ZNF679: variants seen among roughly 807,000 people sequenced by gnomAD.
The protein encoded by ZNF679 is zinc finger protein 679, also known as hypothetical protein MGC42415.
In ZNF679, 10 loss-of-function variants were observed where a neutral mutation model predicts 13.4. The observed-to-expected ratio is 0.75, with a 90% CI of 0.46 to 1.27. The LOEUF is 1.27. ZNF679 is among the 50% of genes most tolerant of loss of function. The pLI is 0.00. For missense variants in ZNF679, 525 were observed against 477.8 expected (o/e 1.10, Z -0.92); for synonymous variants, 179 against 162.5 (o/e 1.10, Z -0.77).
chr7:64,236,958 AAAGAAAG>A (rs1787729660), intron 1 of ZNF679, among the ~76,000 whole-genome samples: 1 of 30,556 alleles, frequency 3.3e-5, no homozygotes, highest in Admixed American at 2.7e-4. Flanking sequence ...AGAAAGAAAG[AAAGAAAG>A]AAAGAAAGAA....
intron 1 of ZNF679, among the ~76,000 whole-genome samples, chr7:64,240,634 T>A (rs1787785903): frequency 1.3e-5 from 2 of 152,144 alleles, no homozygotes; most frequent in Admixed American, 1.3e-4. Context: ...ATCTCACACA[T>A]AAATGCAATC....
At chr7:64,254,595 A>G (rs1271702025) in intron 2 of ZNF679, among the ~76,000 whole-genome samples, 2 of 152,062 alleles carry the variant, frequency 1.3e-5, no homozygotes, top group Non-Finnish European at 2.9e-5. Context: ...ATCTCTATCA[A>G]ATTATTGAAC....
intron 4 of ZNF679, among the ~76,000 whole-genome samples, chr7:64,263,559 A>G (rs1788105382): frequency 6.6e-6 from 1 of 152,184 alleles, no homozygotes; most frequent in Admixed American, 6.5e-5. Context: ...AGGTGTTTGC[A>G]TCGTGGAGAC....
chr7:64,247,167 G>A (rs758974522), intron 1 of ZNF679, among the ~76,000 whole-genome samples: 74 of 152,268 alleles, frequency 4.9e-4, no homozygotes, highest in Non-Finnish European at 9.1e-4. Context: ...CTTGGTTTTG[G>A]TGGATTTTTC....
At chr7:64,236,975 A>AAGAAAGAG (rs201487010) in intron 1 of ZNF679, among the ~76,000 whole-genome samples, 487 of 16,270 alleles carry the variant, frequency 0.03, 10 homozygotes, top group African/African-American at 0.058. Flanking sequence ...GAAAGAAAGA[A>AAGAAAGAG]AAAGAAAGAA....
At chr7:64,258,880 T>G (rs1376662616) in intron 2 of ZNF679, among the ~76,000 whole-genome samples, 1 of 148,484 alleles carries the variant, frequency 6.7e-6, no homozygotes, top group Non-Finnish European at 1.5e-5. Context: ...TAGCATAGTC[T>G]TCTTTTTTTG....
intron 1 of ZNF679, among the ~76,000 whole-genome samples, chr7:64,231,163 G>A (rs922077438): frequency 1.3e-5 from 2 of 152,166 alleles, no homozygotes; most frequent in African/African-American, 2.4e-5. Context: ...ACAAGTAAAA[G>A]ACCCAGTAGA....
At chr7:64,244,965 A>C (rs1787847060) in intron 1 of ZNF679, among the ~76,000 whole-genome samples, 1 of 152,246 alleles carries the variant, frequency 6.6e-6, no homozygotes, top group African/African-American at 2.4e-5. Context: ...TCTCAAGAAC[A>C]TAAAACAAGA....
intron 1 of ZNF679, among the ~76,000 whole-genome samples, chr7:64,232,792 G>A (rs1787658699): frequency 6.6e-6 from 1 of 152,144 alleles, no homozygotes; most frequent in South Asian, 2.1e-4. Context: ...CTTGGGGCAG[G>A]GCTAAAAGGG....
intron 1 of ZNF679, among the ~76,000 whole-genome samples, chr7:64,235,384 A>G (rs1044599591): frequency 1.3e-5 from 2 of 152,052 alleles, no homozygotes; most frequent in Admixed American, 6.5e-5. Context: ...ATAAATTTAT[A>G]GTGCTATATT....
chr7:64,263,115 G>C (rs979949501), intron 4 of ZNF679, among the ~76,000 whole-genome samples: 6 of 151,900 alleles, frequency 3.9e-5, no homozygotes, highest in African/African-American at 1.2e-4. Context: ...TTTTACACGG[G>C]GTTTCTCACT....
chr7:64,263,855 T>C (rs1387481222), intron 4 of ZNF679, among the ~76,000 whole-genome samples: 12 of 152,226 alleles, frequency 7.9e-5, no homozygotes, highest in African/African-American at 2.2e-4. Context: ...CTCAGGTTAT[T>C]TTCTATAGCA....
chr7:64,247,533 A>G (rs1787884875), intron 1 of ZNF679, among the ~76,000 whole-genome samples: 1 of 152,180 alleles, frequency 6.6e-6, no homozygotes, highest in Admixed American at 6.5e-5. Flanking sequence ...TTAAATTGTT[A>G]CAATCAATTT....
intron 1 of ZNF679, among the ~76,000 whole-genome samples, chr7:64,230,395 C>A (rs989437739): frequency 6.6e-6 from 1 of 151,736 alleles, no homozygotes; most frequent in African/African-American, 2.4e-5. Context: ...TAGCCGGGCG[C>A]GGTGGCGGGC....
chr7:64,260,078 T>G, intron 2 of ZNF679, 143 bp from the exon 3 acceptor site: 1 of 611,622 alleles, frequency 1.6e-6, no homozygotes, highest in Non-Finnish European at 2.7e-6. Flanking sequence ...AAATTATCAT[T>G]GAATAATTTT....
intron 4 of ZNF679, among the ~76,000 whole-genome samples, chr7:64,263,810 A>T (rs1196069745): frequency 6.6e-6 from 1 of 152,196 alleles, no homozygotes; most frequent in Non-Finnish European, 1.5e-5. Flanking sequence ...TCAACTGTGA[A>T]CCAAAGAAGT....
At chr7:64,255,492 A>G (rs768924796) in intron 2 of ZNF679, among the ~76,000 whole-genome samples, 2 of 152,210 alleles carry the variant, frequency 1.3e-5, no homozygotes, top group Non-Finnish European at 2.9e-5. Context: ...CCACTTGATC[A>G]TAGTCTAATC....
chr7:64,258,894 T>TTG (rs138747903), intron 2 of ZNF679, among the ~76,000 whole-genome samples: 30 of 150,912 alleles, frequency 2.0e-4, no homozygotes, highest in African/African-American at 7.0e-4. Flanking sequence ...TTTTTTGTTG[T>TTG]TTTTGTTTTG....
At chr7:64,246,773 GGGAA>G (rs140164903) in intron 1 of ZNF679, among the ~76,000 whole-genome samples, 5,860 of 150,748 alleles carry the variant, frequency 0.039, 190 homozygotes, top group East Asian at 0.17. Flanking sequence ...GAAGGAAGGA[GGGAA>G]GGAAGGAAGG....
Sources: gnomAD v4.1 joint callset for allele counts (sites outside exome capture counted in the v4.1 genomes callset) on GRCh38, gnomAD v4.1.1 for gene constraint, MANE v1.5 for transcripts, NCBI Gene and HGNC (gene_info 2026-07-23, HGNC 2026-07-21) for gene names.